Variants in CARF observed in about 807,000 individuals in gnomAD.
The protein encoded by CARF is calcium responsive transcription factor.
In CARF, 57 loss-of-function variants were observed where a neutral mutation model predicts 82.0. That is an observed-to-expected ratio of 0.70 (90% confidence interval 0.56 to 0.87). The LOEUF (loss-of-function observed/expected upper bound fraction) is 0.87. Ranked by LOEUF, CARF falls within the 40% of genes least tolerant of loss-of-function variation. The pLI, the probability that CARF is intolerant of heterozygous loss-of-function variation, is 0.00. For missense variants in CARF, 771 were observed against 855.8 expected, an observed-to-expected ratio of 0.90 and a Z score of 1.24; for synonymous variants, 268 against 290.1, an observed-to-expected ratio of 0.92 and a Z score of 0.77.
chr2:202,912,616 C>T lies in CARF; in HGVS notation c.-816C>T, dbSNP rs1688823666. 1 of 152,050 alleles carries T rather than the reference C, an allele frequency of 6.6e-6. No homozygotes were observed. Among genetic ancestry groups the T allele is most frequent in the South Asian group, 2.1e-4 (1 of 4,826 alleles). 9.4% of individuals were successfully genotyped at this position (152,050 alleles called of 1,614,324 possible). ...GCTTGGGGGCCTTTTCGGGGTCCCA[C>T]ATGGCACGGCTTCCGACCCCCGGCC... On this transcript the variant is annotated 5_prime_UTR_variant, in exon 1 of 17. Coordinates refer to ENST00000438828, the MANE Select transcript of CARF (RefSeq NM_024744.17).
intron 9 of CARF, among the ~76,000 whole-genome samples, chr2:202,963,869 T>G (rs945825144): frequency 6.6e-6 from 1 of 152,136 alleles, no homozygotes; most frequent in African/African-American, 2.4e-5. Context: ...GTAATGCAAG[T>G]GATAGGGAGT....
At chr2:202,925,344 G>C (rs1691601262) in intron 3 of CARF, 1 of 314,700 alleles carries the variant, frequency 3.2e-6, no homozygotes, top group Non-Finnish European at 6.3e-6. Context: ...GTGAGCTGTA[G>C]TCCCAGTTCT....
chr2:202,961,316 C>T lies in CARF; in HGVS notation c.722C>T (p.Thr241Ile), dbSNP rs1193750820. Residue 241 changes from threonine to isoleucine, a missense_variant, in exon 9 of 17, where the codon ACA (threonine) becomes ATA (isoleucine). Transcript: ENST00000438828. ...GTCCTAACATTTCACAAGCAGCAAA[C>T]ACAGAGTGTTTGGGGGACCCGTCAG... ...ESVLTFHKQQ[T>I]QSVWGTRQSP... is the part of the protein sequence containing the mutation. The T allele has an allele frequency of 6.2e-7, 1 of 1,614,000 alleles. No individual in the cohort carries two copies. The highest frequency in any genetic ancestry group is 2.2e-5 in the East Asian group (1 of 44,896).
chr2:202,921,824 T>C (rs1359943305), intron 2 of CARF, among the ~76,000 whole-genome samples: 1 of 152,112 alleles, frequency 6.6e-6, no homozygotes, highest in Non-Finnish European at 1.5e-5. Flanking sequence ...TAAAATTTTA[T>C]TGAAAAATTT....
intron 14 of CARF, among the ~76,000 whole-genome samples, chr2:202,979,662 A>G (rs2060166382): frequency 6.6e-6 from 1 of 151,866 alleles, no homozygotes; most frequent in African/African-American, 2.4e-5. Context: ...TTAGCTGGGC[A>G]TGGTGTCACA....
At chr2:202,951,229 G>A (rs2058741857) in intron 5 of CARF, among the ~76,000 whole-genome samples, 1 of 151,960 alleles carries the variant, frequency 6.6e-6, no homozygotes. Context: ...AAAATTTTTT[G>A]TAGAGACAGG....
intron 3 of CARF, chr2:202,925,151 C>A: frequency 3.0e-6 from 1 of 331,068 alleles, no homozygotes; most frequent in Non-Finnish European, 6.0e-6. Flanking sequence ...ATGGAGAGAC[C>A]AGTGGAGGAC....
intron 13 of CARF, 124 bp downstream of exon 13, chr2:202,974,620 C>T (rs1286753776): frequency 1.3e-5 from 12 of 889,368 alleles, no homozygotes; most frequent in African/African-American, 3.6e-5. Context: ...TACAATAGGC[C>T]GGGCGTGGTG....
At chr2:202,959,532 T>C (rs536611710) in intron 8 of CARF, among the ~76,000 whole-genome samples, 2 of 152,278 alleles carry the variant, frequency 1.3e-5, no homozygotes, top group Non-Finnish European at 2.9e-5. Context: ...AAAAAGTTTC[T>C]CCCCAGCTGG....
At chr2:202,958,955 C>T (rs529595552) in intron 8 of CARF, among the ~76,000 whole-genome samples, 2 of 145,638 alleles carry the variant, frequency 1.4e-5, no homozygotes, top group East Asian at 2.0e-4. Context: ...ATATTTTCTG[C>T]ATTTTGGTTC....
chr2:202,969,230 A>G (rs2059677438), intron 10 of CARF, among the ~76,000 whole-genome samples: 1 of 151,620 alleles, frequency 6.6e-6, no homozygotes, highest in African/African-American at 2.4e-5. Context: ...TGAATTATCA[A>G]GTGGATTTAA....
chr2:202,917,206 G>T (rs1689869384), intron 1 of CARF, among the ~76,000 whole-genome samples: 1 of 51,668 alleles, frequency 1.9e-5, no homozygotes, highest in African/African-American at 6.9e-5. Context: ...GCGAGACTCC[G>T]TCTCAAAAAA....
At chr2:202,942,998 T>C in intron 5 of CARF, 31 bp downstream of exon 5, 1 of 1,555,060 alleles carries the variant, frequency 6.4e-7, no homozygotes, top group Non-Finnish European at 8.9e-7. Flanking sequence ...ACCAGTTTTA[T>C]GCCGTTTAGC....
intron 3 of CARF, among the ~76,000 whole-genome samples, chr2:202,932,675 A>G (rs916001089): frequency 6.6e-6 from 1 of 151,496 alleles, no homozygotes; most frequent in East Asian, 1.9e-4. Flanking sequence ...AGCAGCAGCA[A>G]GTGCCCCAGA....
In CARF at chr2:202,986,159, C is replaced by G. The variant is rs1350958141; in HGVS notation, c.*2535C>G. On this transcript the variant is annotated 3_prime_UTR_variant, in exon 17 of 17. Transcript: ENST00000438828. Reference sequence around the variant, plus strand: ...TTCATGTAAGTATTTCAAGGAGTAGCTCTTTAAAAATGGTTTCTAAATTAG... The same window carrying G: ...TTCATGTAAGTATTTCAAGGAGTAGGTCTTTAAAAATGGTTTCTAAATTAG... 6.6e-6 allele frequency: 1 copy of G among 152,032 alleles called. No homozygotes were observed. The highest frequency in any genetic ancestry group is 1.5e-5 in the Non-Finnish European group (1 of 67,938). The allele number at this position is 152,032 out of a possible 1,614,324, so 9.4% of individuals were successfully genotyped here.
intron 1 of CARF, 128 bp downstream of exon 1, chr2:202,913,230 A>C (rs1452564408): frequency 1.3e-5 from 2 of 152,250 alleles, no homozygotes; most frequent in Admixed American, 1.3e-4. Flanking sequence ...AGATTTAAAC[A>C]ATTGGAAGAA....
chr2:202,926,118 C>T (rs1691764046), intron 3 of CARF, among the ~76,000 whole-genome samples: 1 of 152,174 alleles, frequency 6.6e-6, no homozygotes, highest in Admixed American at 6.5e-5. Context: ...CAACTCCTCC[C>T]AGCCTACCTA....
intron 2 of CARF, among the ~76,000 whole-genome samples, chr2:202,920,936 A>T (rs890041936): frequency 2.0e-5 from 3 of 152,198 alleles, no homozygotes; most frequent in Non-Finnish European, 2.9e-5. Context: ...AAGTCAGTCA[A>T]TAAATAATAG....
At chr2:202,923,238 T>C (rs1216222819) in intron 2 of CARF, among the ~76,000 whole-genome samples, 1 of 152,044 alleles carries the variant, frequency 6.6e-6, no homozygotes, top group Non-Finnish European at 1.5e-5. Flanking sequence ...TGAAACTCCA[T>C]CTCAAAAAAC....
Sources: gnomAD v4.1 joint callset for allele counts (sites outside exome capture counted in the v4.1 genomes callset) on GRCh38, gnomAD v4.1.1 for gene constraint, MANE v1.5 for transcripts, NCBI Gene and HGNC (gene_info 2026-07-23, HGNC 2026-07-21) for gene names.